HDX: variants seen among roughly 807,000 people sequenced by gnomAD.
HDX encodes chromosome X open reading frame 43.
In HDX, 19 loss-of-function variants were observed where a neutral mutation model predicts 45.2. That is an observed-to-expected ratio of 0.42 (90% CI 0.29 to 0.62). The LOEUF (loss-of-function observed/expected upper bound fraction) is 0.62, where lower values mean the gene tolerates loss of function less well. Among genes scored for constraint, HDX ranks in the 20% least tolerant of loss-of-function variants. The probability of loss-of-function intolerance (pLI) is 0.20; values close to 1 mark genes in which losing one functional copy is unlikely to be tolerated. For missense variants in HDX, 532 were observed against 493.9 expected (o/e 1.08, Z -0.73); for synonymous variants, 188 against 172.8 (o/e 1.09, Z -0.69).
chrX:84,334,846 A>G (rs1292574842), intron 8 of HDX, among the ~76,000 whole-genome samples: 1 of 111,051 alleles, frequency 9.0e-6, no homozygotes, highest in Non-Finnish European at 1.9e-5. Context: ...AAGAACAAGC[A>G]CATAAATAGC....
chrX:84,460,559 A>G (rs1250757077), intron 4 of HDX, among the ~76,000 whole-genome samples: 1 of 111,627 alleles, frequency 9.0e-6, no homozygotes, highest in Admixed American at 9.5e-5. Context: ...CAACACATTA[A>G]AAACCATATA....
intron 1 of HDX, among the ~76,000 whole-genome samples, chrX:84,496,394 G>A (rs970888203): frequency 1.8e-5 from 2 of 110,327 alleles, no homozygotes; most frequent in Non-Finnish European, 3.8e-5. Flanking sequence ...AAGTAACTGG[G>A]AGGTCTTGTT....
intron 4 of HDX, among the ~76,000 whole-genome samples, chrX:84,449,831 A>G (rs1195899168): frequency 9.0e-6 from 1 of 111,684 alleles, no homozygotes; most frequent in African/African-American, 3.3e-5. Flanking sequence ...AAAGGAAAGA[A>G]CAATCCTCAG....
intron 5 of HDX, among the ~76,000 whole-genome samples, chrX:84,404,639 TAG>T (rs759447635): frequency 5.4e-5 from 6 of 111,120 alleles, no homozygotes; most frequent in African/African-American, 2.0e-4. Flanking sequence ...GAGATATAAA[TAG>T]AGTTAATTGA....
At chrX:84,377,003 C>T (rs1275310708) in intron 5 of HDX, among the ~76,000 whole-genome samples, 2 of 111,909 alleles carry the variant, frequency 1.8e-5, no homozygotes, top group Non-Finnish European at 3.8e-5. Flanking sequence ...ATGGTGGCCA[C>T]AGCAGTGTTT....
chrX:84,490,298 T>A (rs908549814), intron 1 of HDX, among the ~76,000 whole-genome samples: 1 of 111,665 alleles, frequency 9.0e-6, no homozygotes, highest in Admixed American at 9.5e-5. Context: ...TTGAGCTTAA[T>A]TTGCTCTTCT....
At chrX:84,430,994 TAG>T (rs1365347988) in intron 5 of HDX, among the ~76,000 whole-genome samples, 1 of 110,754 alleles carries the variant, frequency 9.0e-6, no homozygotes, top group Non-Finnish European at 1.9e-5. Flanking sequence ...ATATGATAGG[TAG>T]ATTTTTTATC....
intron 2 of HDX, among the ~76,000 whole-genome samples, chrX:84,478,701 T>A (rs905708525): frequency 5.5e-5 from 6 of 108,541 alleles, no homozygotes; most frequent in Middle Eastern, 4.7e-3. Context: ...AATTTTTTTT[T>A]AATTTTAATT....
In HDX at chrX:84,320,653, C is replaced by T. The variant is rs2036578895; in HGVS notation, c.*1236G>A. 1 of 111,043 alleles carries T rather than the reference C, an allele frequency of 9.0e-6. No individual in the cohort carries two copies. The highest frequency in any genetic ancestry group is 3.3e-5 in the African/African-American group (1 of 30,733). The allele number at this position is 111,043 out of a possible 1,213,427, so 9.2% of individuals were successfully genotyped here. A position where few individuals can be genotyped will look rare whatever the true frequency, so the allele number is the denominator to read the frequency against. On this transcript the variant is annotated 3_prime_UTR_variant, in exon 11 of 11. Coordinates refer to ENST00000373177, the MANE Select transcript of HDX (RefSeq NM_001177479.2). ...TTTAACCATGCAACACAATTGCACA[C>T]TGCCAAGTCACAAATATATGACACT...
At chrX:84,454,402 A>G (rs1277627603) in intron 4 of HDX, among the ~76,000 whole-genome samples, 12 of 111,551 alleles carry the variant, frequency 1.1e-4, no homozygotes, top group Non-Finnish European at 2.1e-4. Context: ...ACTGAAAAGT[A>G]CATTGACCTT....
At position 84,489,884 on chromosome X, in the gene HDX, T is replaced by C. The variant is rs1262296826; in HGVS notation, c.-109-1752A>G. On this transcript the variant is annotated intron_variant, in intron 1 of 10. Coordinates refer to ENST00000373177, the MANE Select transcript of HDX (RefSeq NM_001177479.2). ...GATTTCATATTATTTATTTCTTAAATGCTTTGTAGCATTAATGAGTAAAGC... is the reference window on the plus strand; with the variant it reads ...GATTTCATATTATTTATTTCTTAAACGCTTTGTAGCATTAATGAGTAAAGC... Among the ~76,000 whole-genome samples the C allele has an allele frequency of 3.6e-5, 4 of 111,900 alleles. No individual in the cohort carries two copies. In the Admixed American group the frequency reaches 3.8e-4, roughly 11 times the overall value.
chrX:84,402,714 T>C (rs1197889634), intron 5 of HDX, among the ~76,000 whole-genome samples: 4 of 111,768 alleles, frequency 3.6e-5, no homozygotes, highest in Admixed American at 9.6e-5. Context: ...ATGTAATTGC[T>C]GAATCATATG....
At chrX:84,390,896 T>C (rs2038425224) in intron 5 of HDX, among the ~76,000 whole-genome samples, 1 of 111,926 alleles carries the variant, frequency 8.9e-6, no homozygotes, top group African/African-American at 3.2e-5. Context: ...ATAGAATGTG[T>C]AATGATCAAG....
chrX:84,425,910 A>G (rs1480790980), intron 5 of HDX, among the ~76,000 whole-genome samples: 2 of 110,824 alleles, frequency 1.8e-5, no homozygotes, highest in African/African-American at 6.5e-5. Flanking sequence ...CAACAGGGTG[A>G]CTGTAGTCAA....
At chrX:84,401,592 T>A (rs2147957433) in intron 5 of HDX, among the ~76,000 whole-genome samples, 1 of 111,482 alleles carries the variant, frequency 9.0e-6, no homozygotes, top group South Asian at 3.8e-4. Flanking sequence ...ATAGGAAAGA[T>A]TTTACACTGT....
chrX:84,413,609 C>T (rs1341245032), intron 5 of HDX, among the ~76,000 whole-genome samples: 1 of 111,712 alleles, frequency 9.0e-6, no homozygotes, highest in Non-Finnish European at 1.9e-5. Context: ...GCAGCTGAAT[C>T]CATGCTCTCT....
chrX:84,396,963 C>T (rs2038581399), intron 5 of HDX, among the ~76,000 whole-genome samples: 1 of 111,896 alleles, frequency 8.9e-6, no homozygotes, highest in Non-Finnish European at 1.9e-5. Context: ...TAAAGAGAGG[C>T]AGCAGCTGCA....
intron 1 of HDX, among the ~76,000 whole-genome samples, chrX:84,492,634 A>C (rs184652671): frequency 8.9e-6 from 1 of 111,905 alleles, no homozygotes; most frequent in East Asian, 2.8e-4. Flanking sequence ...TAGTTAACAT[A>C]TCATCAACTG....
At chrX:84,467,623 CAAAAAAAA>C (rs576047136) in intron 4 of HDX, among the ~76,000 whole-genome samples, 1 of 64,624 alleles carries the variant, frequency 1.5e-5, no homozygotes, top group Non-Finnish European at 3.0e-5. Context: ...AAGACTCCGT[CAAAAAAAA>C]AAAAAAAAGG....
Sources: gnomAD v4.1 joint callset for allele counts (sites outside exome capture counted in the v4.1 genomes callset) on GRCh38, gnomAD v4.1.1 for gene constraint, MANE v1.5 for transcripts, NCBI Gene and HGNC (gene_info 2026-07-23, HGNC 2026-07-21) for gene names.